Variants in LIMCH1 observed in about 807,000 individuals in gnomAD.
LIMCH1 encodes the protein LIM and calponin homology domains-containing protein 1.
Under a neutral mutation model 176.5 loss-of-function variants are expected in LIMCH1, and 113 were observed. The observed-to-expected ratio is 0.64, with a 90% CI of 0.55 to 0.75. The LOEUF is 0.75. Among genes scored for constraint, LIMCH1 ranks in the 30% least tolerant of loss-of-function variants. The pLI, the probability that LIMCH1 is intolerant of heterozygous loss-of-function variation, is 0.00. For synonymous variants in LIMCH1, 619 were observed against 645.9 expected, an observed-to-expected ratio of 0.96 and a Z score of 0.63; for missense variants, 1,674 against 1,814.9, an observed-to-expected ratio of 0.92 and a Z score of 1.41.
At chr4:41,622,604 A>G (rs572263240) in intron 7 of LIMCH1, among the ~76,000 whole-genome samples, 1 of 152,328 alleles carries the variant, frequency 6.6e-6, no homozygotes, top group South Asian at 2.1e-4. Flanking sequence ...TGGGAAGTCC[A>G]TACACGTACT....
At chr4:41,650,153 A>G (rs910741632) in intron 17 of LIMCH1, among the ~76,000 whole-genome samples, 2 of 152,190 alleles carry the variant, frequency 1.3e-5, no homozygotes, top group South Asian at 4.1e-4. Flanking sequence ...GTGAACATGA[A>G]ATGGAATCTA....
intron 1 of LIMCH1, among the ~76,000 whole-genome samples, chr4:41,374,120 A>G (rs2010500): frequency 0.47 from 71,633 of 151,858 alleles, 19,691 homozygotes; most frequent in African/African-American, 0.78. Context: ...GTGTGAGAAC[A>G]GACTAATACA....
At chr4:41,674,678 A>G (rs1176414785) in intron 22 of LIMCH1, among the ~76,000 whole-genome samples, 3 of 152,168 alleles carry the variant, frequency 2.0e-5, no homozygotes, top group African/African-American at 4.8e-5. Flanking sequence ...AGCCTAGCCT[A>G]CCTTAAACGT....
chr4:41,477,235 C>G (rs1184313768), intron 1 of LIMCH1, among the ~76,000 whole-genome samples: 2 of 152,202 alleles, frequency 1.3e-5, no homozygotes, highest in Non-Finnish European at 2.9e-5. Context: ...TATATCCAGG[C>G]TCCTGATAGC....
intron 1 of LIMCH1, among the ~76,000 whole-genome samples, chr4:41,477,842 T>C (rs906394953): frequency 2.0e-5 from 3 of 152,158 alleles, no homozygotes; most frequent in Non-Finnish European, 4.4e-5. Context: ...AACCAAACAG[T>C]ATATATGTTC....
intron 31 of LIMCH1, among the ~76,000 whole-genome samples, chr4:41,696,800 A>C (rs534728483): frequency 6.6e-6 from 1 of 152,296 alleles, no homozygotes; most frequent in South Asian, 2.1e-4. Flanking sequence ...CTGAGAGAAA[A>C]GAGATTATTT....
At chr4:41,386,888 G>A (rs1330233294) in intron 1 of LIMCH1, among the ~76,000 whole-genome samples, 1 of 152,206 alleles carries the variant, frequency 6.6e-6, no homozygotes, top group African/African-American at 2.4e-5. Flanking sequence ...AAAAGGAATT[G>A]TATGCTGTTT....
chr4:41,376,001 A>G (rs2054707447), intron 1 of LIMCH1, among the ~76,000 whole-genome samples: 1 of 152,238 alleles, frequency 6.6e-6, no homozygotes, highest in African/African-American at 2.4e-5. Flanking sequence ...AAAATGAAGT[A>G]TGTAGAAAAT....
At chr4:41,476,525 T>C (rs544278577) in intron 1 of LIMCH1, among the ~76,000 whole-genome samples, 2 of 152,324 alleles carry the variant, frequency 1.3e-5, no homozygotes, top group East Asian at 3.9e-4. Context: ...CAATGCTCAG[T>C]GATGAATGGC....
chr4:41,547,044 A>T (rs990671571), intron 1 of LIMCH1, among the ~76,000 whole-genome samples: 1 of 152,158 alleles, frequency 6.6e-6, no homozygotes, highest in African/African-American at 2.4e-5. Flanking sequence ...ACAAGTAATA[A>T]TTATATATAT....
intron 1 of LIMCH1, among the ~76,000 whole-genome samples, chr4:41,583,351 A>G (rs2085868336): frequency 6.6e-6 from 1 of 152,268 alleles, no homozygotes; most frequent in South Asian, 2.1e-4. Context: ...TCCCCCCTCC[A>G]TGGTGACCTT....
intron 1 of LIMCH1, among the ~76,000 whole-genome samples, chr4:41,561,697 G>A (rs1489601397): frequency 1.3e-5 from 2 of 152,180 alleles, no homozygotes; most frequent in Non-Finnish European, 2.9e-5. Flanking sequence ...AGAAAAAGAA[G>A]TGGATATTCT....
chr4:41,671,884 C>CAAAA (rs34994833), intron 22 of LIMCH1, among the ~76,000 whole-genome samples: 53 of 52,264 alleles, frequency 1.0e-3, no homozygotes, highest in African/African-American at 2.3e-3. Flanking sequence ...GACTTCGTCT[C>CAAAA]AAAAAAAAAA....
Position 41,626,875 on chromosome 4 carries a change from T to TGAACC in LIMCH1, c.894_898dup (p.Gln300ArgfsTer10). ...GACTTTGCTGCAAGGAGAGCAAGGATGAACCAAACCAAGCCAATGGTGCCA... is the reference window on the plus strand; with the variant it reads ...GACTTTGCTGCAAGGAGAGCAAGGATGAACCGAACCAAACCAAGCCAATGGTGCCA... On this transcript the variant is annotated frameshift_variant, in exon 8 of 32. Transcript: ENST00000503057. LOFTEE classifies it high-confidence loss of function. 1 of 1,536,110 alleles carries TGAACC rather than the reference T, an allele frequency of 6.5e-7. No homozygotes were observed.
At chr4:41,525,206 T>C (rs1190497704) in intron 3 of LIMCH1, among the ~76,000 whole-genome samples, 1 of 152,168 alleles carries the variant, frequency 6.6e-6, no homozygotes, top group Non-Finnish European at 1.5e-5. Flanking sequence ...ATCTTAGTTT[T>C]GGAAGGAATT....
chr4:41,547,857 G>GTA (rs1451943342), intron 1 of LIMCH1, among the ~76,000 whole-genome samples: 62 of 69,974 alleles, frequency 8.9e-4, no homozygotes, highest in African/African-American at 4.8e-3. Context: ...TATAATTTGT[G>GTA]TGTGTGTATA....
rs2093307567 is a variant in LIMCH1, at chr4:41,631,257, G to T, written c.1381G>T (p.Ala461Ser). ...ANRKARASKK[A>S]SSPRQKFVHF... ...CCGCAAAGCAAGGGCCTCTAAGAAA[G>T]CTTCCAGCCCCAGGCAAAAGTTTGT... The change falls in exon 10 of 32, where the codon GCT becomes TCT. Residue 461 changes from alanine to serine, a missense_variant. Physicochemically the swap from Ala to Ser is moderately conservative, Grantham distance 99 (BLOSUM62 1). This residue lies in a region of LIMCH1 where 655 missense variants were observed against 692.2 expected (regional missense o/e 0.95). Transcript: ENST00000503057. 5.9e-6 allele frequency: 9 copies of T among 1,536,102 alleles called. No homozygotes were observed. The highest frequency in any genetic ancestry group is 7.8e-6 in the Non-Finnish European group (9 of 1,146,908).
intron 4 of LIMCH1, among the ~76,000 whole-genome samples, chr4:41,609,830 G>T (rs1488286503): frequency 6.6e-6 from 1 of 152,218 alleles, no homozygotes; most frequent in Non-Finnish European, 1.5e-5. Flanking sequence ...GCTAGTCTCT[G>T]TTGGTTTATA....
At chr4:41,367,371 T>C (rs115809416) in intron 1 of LIMCH1, among the ~76,000 whole-genome samples, 82 of 152,156 alleles carry the variant, frequency 5.4e-4, no homozygotes, top group Middle Eastern at 3.4e-3. Flanking sequence ...ATTGGTTAGG[T>C]TGGGAAAGCT....
Sources: gnomAD v4.1 joint callset for allele counts (sites outside exome capture counted in the v4.1 genomes callset) on GRCh38, gnomAD v4.1.1 for gene constraint, gnomAD v4.1.1 regional missense constraint, MANE v1.5 for transcripts, NCBI Gene and HGNC (gene_info 2026-07-23, HGNC 2026-07-21) for gene names.